Variants in FKBP14 observed in about 807,000 individuals in gnomAD.
FKBP14 encodes the protein peptidyl-prolyl cis-trans isomerase FKBP14.
In FKBP14, 20 loss-of-function variants were observed where a neutral mutation model predicts 21.6. The observed-to-expected ratio is 0.92, with a 90% confidence interval of 0.65 to 1.34. The LOEUF is 1.34. FKBP14 is among the 40% of genes most tolerant of loss of function. The pLI is 0.00. For missense variants in FKBP14, 253 were observed against 249.0 expected, an observed-to-expected ratio of 1.02 and a Z score of -0.11; for synonymous variants, 79 against 86.7, an observed-to-expected ratio of 0.91 and a Z score of 0.49.
chr7:30,009,699 T>C (rs1251150887), downstream of FKBP14, among the ~76,000 whole-genome samples: 2 of 151,888 alleles, frequency 1.3e-5, no homozygotes, highest in South Asian at 2.1e-4. Flanking sequence ...ATTAGAAATA[T>C]AAGCAATAGG....
Position 30,013,189 on chromosome 7 carries a change from TA to T in FKBP14, c.*1545del, listed in dbSNP as rs1402394441. Reference sequence around the variant, plus strand: ...AGCCAATTTAAAATAAAATTATATATATTTTTTTCTTTTTTAAAATCCAGGA... The same window carrying T: ...AGCCAATTTAAAATAAAATTATATATTTTTTTTCTTTTTTAAAATCCAGGA... On this transcript the variant is annotated 3_prime_UTR_variant, in exon 4 of 4. Coordinates refer to ENST00000222803, the MANE Select transcript of FKBP14 (RefSeq NM_017946.4). 3 of 152,034 alleles carry T rather than the reference TA, an allele frequency of 2.0e-5. No individual in the cohort carries two copies. The highest frequency in any genetic ancestry group is 2.9e-5 in the Non-Finnish European group (2 of 67,978). 9.4% of individuals were successfully genotyped at this position (152,034 alleles called of 1,614,324 possible). A position where few individuals can be genotyped will look rare whatever the true frequency, so the allele number is the denominator to read the frequency against.
At chr7:30,026,291 C>T (rs754109182) in intron 1 of FKBP14, 21 bp downstream of exon 1, 1 of 1,581,480 alleles carries the variant, frequency 6.3e-7, no homozygotes. Context: ...ACTATTTTAC[C>T]TGCGGGGCAT....
intron 3 of FKBP14, among the ~76,000 whole-genome samples, chr7:30,017,106 A>G (rs1257054904): frequency 6.6e-6 from 1 of 152,122 alleles, no homozygotes; most frequent in Non-Finnish European, 1.5e-5. Context: ...CTGAAAGGAT[A>G]TATTAGAAAC....
rs1789724184 is a variant in FKBP14, at chr7:30,011,485, G to A, written c.*3250C>T. The A allele has an allele frequency of 6.9e-6, 1 of 145,460 alleles. No homozygotes were observed. The highest frequency in any genetic ancestry group is 2.0e-4 in the East Asian group (1 of 5,062). 9.0% of individuals were successfully genotyped at this position (145,460 alleles called of 1,614,324 possible). A position where few individuals can be genotyped will look rare whatever the true frequency, so the allele number is the denominator to read the frequency against. Reference sequence around the variant, plus strand: ...AGCAACTTCCAGTTCTGTAAGCTCCGTTAGTAAGTGCCCTATACAGGTATA... The same window carrying A: ...AGCAACTTCCAGTTCTGTAAGCTCCATTAGTAAGTGCCCTATACAGGTATA... On this transcript the variant is annotated 3_prime_UTR_variant, in exon 4 of 4. Transcript: ENST00000222803.
At chr7:30,019,792 GT>G (rs1373839745) in intron 2 of FKBP14, among the ~76,000 whole-genome samples, 1 of 152,062 alleles carries the variant, frequency 6.6e-6, no homozygotes, top group African/African-American at 2.4e-5. Context: ...CTCAATACAT[GT>G]TATTGAGGTA....
chr7:30,013,946 C>G lies in FKBP14; in HGVS notation c.*789G>C, dbSNP rs550209952. 6.6e-6 allele frequency: 1 copy of G among 152,160 alleles called. No homozygotes were observed. The highest frequency in any genetic ancestry group is 1.9e-4 in the East Asian group (1 of 5,170). The allele number at this position is 152,160 out of a possible 1,614,324, so 9.4% of individuals were successfully genotyped here. A position where few individuals can be genotyped will look rare whatever the true frequency, so the allele number is the denominator to read the frequency against. On this transcript the variant is annotated 3_prime_UTR_variant, in exon 4 of 4. Coordinates refer to ENST00000222803, the MANE Select transcript of FKBP14 (RefSeq NM_017946.4). ...GGAGGTGATCTCGGCTTACCGCAAC[C>G]TCCGCCTCCGGGTTCAAGTGATTCT... is the stretch of plus-strand genomic sequence containing the variant.
At chr7:30,019,179 G>T in intron 2 of FKBP14, 56 bp from the exon 3 acceptor site, 1 of 1,523,198 alleles carries the variant, frequency 6.6e-7, no homozygotes, top group South Asian at 1.3e-5. Flanking sequence ...TTTAATAATA[G>T]AAAATTTATG....
rs1232675080 is a variant in FKBP14 at position 30,014,710 on chromosome 7, C to T, written c.*25G>A. 1 of 1,452,698 alleles carries T rather than the reference C, an allele frequency of 6.9e-7. No individual in the cohort carries two copies. Among genetic ancestry groups the T allele is most frequent in the Non-Finnish European group, 9.2e-7 (1 of 1,091,756 alleles). 90.0% of individuals were successfully genotyped at this position (1,452,698 alleles called of 1,614,324 possible). ...ACTGCCCTCTCTTGAAAGATGAGTG[C>T]TATATTAAAAGGGTAGATGTATCTC... is the stretch of plus-strand genomic sequence containing the variant. On this transcript the variant is annotated 3_prime_UTR_variant, in exon 4 of 4. Coordinates refer to ENST00000222803, the MANE Select transcript of FKBP14 (RefSeq NM_017946.4).
intron 3 of FKBP14, among the ~76,000 whole-genome samples, chr7:30,018,494 T>G (rs924490318): frequency 6.6e-6 from 1 of 152,148 alleles, no homozygotes; most frequent in Non-Finnish European, 1.5e-5. Context: ...CAGGCTGGGG[T>G]CTCTTTTCTC....
rs907670034 is a variant in FKBP14 at position 30,012,820 on chromosome 7, A to G, written c.*1915T>C. 13 of 152,246 alleles carry G rather than the reference A, an allele frequency of 8.5e-5. No homozygotes were observed. Among genetic ancestry groups the G allele is most frequent in the African/African-American group, 3.1e-4 (13 of 41,462 alleles). The allele number at this position is 152,246 out of a possible 1,614,324, so 9.4% of individuals were successfully genotyped here. A position where few individuals can be genotyped will look rare whatever the true frequency, so the allele number is the denominator to read the frequency against. On this transcript the variant is annotated 3_prime_UTR_variant, in exon 4 of 4. Coordinates refer to ENST00000222803, the MANE Select transcript of FKBP14 (RefSeq NM_017946.4). Reference sequence around the variant, plus strand: ...AACAGGCAGAAAGCCATCTTCAGAGAATGAAGACTCAAAGATAAACAACGG... The same window carrying G: ...AACAGGCAGAAAGCCATCTTCAGAGGATGAAGACTCAAAGATAAACAACGG...
intron 2 of FKBP14, 77 bp from the exon 3 acceptor site, chr7:30,019,200 A>C (rs1381468787): frequency 2.4e-5 from 34 of 1,443,334 alleles, no homozygotes; most frequent in Non-Finnish European, 3.1e-5. Flanking sequence ...GTAATGGACA[A>C]AGTATTTTTT....
In FKBP14 at chr7:30,022,710, T is replaced by C. The variant is rs1790068197; in HGVS notation, c.304A>G (p.Lys102Glu). ...LKGMCVGEKR[K>E]LIIPPALGYG... Reference sequence around the variant, plus strand: ...CCCAGAGCAGGAGGAATGATGAGCTTTCTCTTCTCTCCTACACACATTCCT... The same window carrying C: ...CCCAGAGCAGGAGGAATGATGAGCTCTCTCTTCTCTCCTACACACATTCCT... Residue 102 changes from lysine to glutamate, a missense_variant, in exon 2 of 4, where the codon AAG (lysine) becomes GAG (glutamate). Transcript: ENST00000222803. The C allele has an allele frequency of 6.2e-7, 1 of 1,614,028 alleles. No homozygotes were observed. The highest frequency in any genetic ancestry group is 1.1e-5 in the South Asian group (1 of 91,082).
intron 3 of FKBP14, among the ~76,000 whole-genome samples, chr7:30,017,414 C>T (rs780722459): frequency 2.6e-5 from 4 of 152,040 alleles, no homozygotes; most frequent in East Asian, 3.9e-4. Context: ...ATTAAAAATA[C>T]GACAATTAGC....
chr7:30,025,720 A>C (rs893730081), intron 1 of FKBP14: 1 of 152,228 alleles, frequency 6.6e-6, no homozygotes, highest in Admixed American at 6.5e-5. Flanking sequence ...AGACTTCCAA[A>C]ACCACACCCA....
At chr7:30,022,861 A>C (rs1224618398) in intron 1 of FKBP14, 45 bp from the exon 2 acceptor site, 1 of 1,562,048 alleles carries the variant, frequency 6.4e-7, no homozygotes, top group East Asian at 2.3e-5. Flanking sequence ...TTAACTCTAA[A>C]AAATTTTCTT....
rs148720896 is a variant in FKBP14, at chr7:30,014,561, T to G, written c.*174A>C. The G allele has an allele frequency of 8.5e-4, 333 of 392,938 alleles. 10 individuals are homozygous for G. The South Asian group carries it at 0.036, about 43-fold the overall frequency. 24.3% of individuals were successfully genotyped at this position (392,938 alleles called of 1,614,324 possible). A position where few individuals can be genotyped will look rare whatever the true frequency, so the allele number is the denominator to read the frequency against. Reference sequence around the variant, plus strand: ...TTAGCTTTTTCTTCCCAATAACTTATCAGAAAGAAATGGGTACTTAGAAAC... The same window carrying G: ...TTAGCTTTTTCTTCCCAATAACTTAGCAGAAAGAAATGGGTACTTAGAAAC... On this transcript the variant is annotated 3_prime_UTR_variant, in exon 4 of 4. Transcript: ENST00000222803.
At chr7:30,009,806 A>G (rs578032713), downstream of FKBP14, among the ~76,000 whole-genome samples, 36 of 149,820 alleles carry the variant, frequency 2.4e-4, 1 homozygote, top group South Asian at 5.4e-3. Flanking sequence ...CCTGACCAAC[A>G]TGGAGAAACC....
downstream of FKBP14, among the ~76,000 whole-genome samples, chr7:30,009,453 G>A (rs909769492): frequency 3.9e-5 from 6 of 151,920 alleles, no homozygotes; most frequent in African/African-American, 1.5e-4. Flanking sequence ...GGTTGGTCTC[G>A]AGCACCTGAC....
At chr7:30,023,984 A>G (rs1220560228) in intron 1 of FKBP14, among the ~76,000 whole-genome samples, 3 of 152,170 alleles carry the variant, frequency 2.0e-5, no homozygotes, top group African/African-American at 4.8e-5. Flanking sequence ...GTCCTGGCTC[A>G]TGAGTTGAAG....
Sources: gnomAD v4.1 joint callset for allele counts (sites outside exome capture counted in the v4.1 genomes callset) on GRCh38, gnomAD v4.1.1 for gene constraint, MANE v1.5 for transcripts, NCBI Gene and HGNC (gene_info 2026-07-23, HGNC 2026-07-21) for gene names.